Variants in RANBP3 observed in about 807,000 individuals in gnomAD.
RANBP3 encodes RAN binding protein 3.
RANBP3 carries 14 observed loss-of-function variants against 77.3 expected under a neutral mutation model. The observed-to-expected ratio is 0.18, with a 90% CI of 0.12 to 0.28. RANBP3 has a LOEUF of 0.28. RANBP3 is among the 10% of genes least tolerant of loss of function. RANBP3 has a pLI of 1.00. For synonymous variants in RANBP3, 315 were observed against 312.4 expected (o/e 1.01, Z -0.09); for missense variants, 586 against 752.3 (o/e 0.78, Z 2.59).
Position 5,958,020 on chromosome 19 carries a change from AC to A in RANBP3, c.23-48del. The A allele has an allele frequency of 6.6e-7, 1 of 1,522,798 alleles. No homozygotes were observed. The highest frequency in any genetic ancestry group is 9.1e-7 in the Non-Finnish European group (1 of 1,098,148). 94.3% of individuals were successfully genotyped at this position (1,522,798 alleles called of 1,614,324 possible). On this transcript the variant is annotated intron_variant, in intron 1 of 16. Transcript: ENST00000340578. The surrounding 1 kb of genome is among the most constrained non-coding windows in gnomAD (Gnocchi z 4.4). ...TTTTTCCCCCCAACACTATATGCAT[AC>A]AGTAAACAAAGCTACACTTGTTTGT...
intron 1 of RANBP3, chr19:5,962,548 T>C (rs1427335464): frequency 2.6e-6 from 1 of 389,724 alleles, no homozygotes; most frequent in African/African-American, 2.1e-5. Flanking sequence ...CAGGGAGCCA[T>C]GGTCAGGGCT....
chr19:5,940,741 T>A (rs1004770367), intron 5 of RANBP3, among the ~76,000 whole-genome samples: 1 of 152,152 alleles, frequency 6.6e-6, no homozygotes, highest in Admixed American at 6.5e-5. Context: ...GTCTAAACAC[T>A]CATGTATGTC....
intron 3 of RANBP3, among the ~76,000 whole-genome samples, chr19:5,942,713 A>AC (rs1397318817): frequency 6.6e-6 from 1 of 151,760 alleles, no homozygotes; most frequent in Non-Finnish European, 1.5e-5. Context: ...AAAAAAAAAA[A>AC]AAAAAAACAA....
rs555636863 is a variant in RANBP3 at position 5,958,378 on chromosome 19, C to G, written c.23-405G>C. ...AATTTAGCTTTTTAAAGTTTACAGGCCAGAGGGCAAAAAAAAGGGCCACCG... is the reference window on the plus strand; with the variant it reads ...AATTTAGCTTTTTAAAGTTTACAGGGCAGAGGGCAAAAAAAAGGGCCACCG... On this transcript the variant is annotated intron_variant, in intron 1 of 16. Transcript: ENST00000340578. The surrounding 1 kb of genome is among the most constrained non-coding windows in gnomAD (Gnocchi z 4.4). 2.0e-5 allele frequency among the ~76,000 whole-genome samples: 3 copies of G among 151,888 alleles called. No homozygotes were observed. The South Asian group carries it at 6.2e-4, about 31-fold the overall frequency.
At chr19:5,964,319 C>A (rs747722909) in intron 1 of RANBP3, among the ~76,000 whole-genome samples, 2 of 152,202 alleles carry the variant, frequency 1.3e-5, no homozygotes, top group African/African-American at 2.4e-5. Context: ...CCTGCCCCCC[C>A]ACCTCCACCC....
intron 9 of RANBP3, among the ~76,000 whole-genome samples, chr19:5,926,870 C>A (rs1281273562): frequency 1.3e-5 from 2 of 152,138 alleles, no homozygotes; most frequent in Non-Finnish European, 2.9e-5. Flanking sequence ...CGGTGAGTAA[C>A]AGAAAGGAAA....
intron 15 of RANBP3, 43 bp from the exon 16 acceptor site, chr19:5,918,023 AC>A (rs773547535): frequency 2.6e-5 from 40 of 1,526,858 alleles, no homozygotes; most frequent in Non-Finnish European, 3.3e-5. Context: ...CCCCAGTCCT[AC>A]CCCCTCCTGC....
chr19:5,926,474 C>T (rs564716569), intron 9 of RANBP3, among the ~76,000 whole-genome samples: 17 of 152,226 alleles, frequency 1.1e-4, no homozygotes, highest in African/African-American at 4.1e-4. Flanking sequence ...TCGCTTGAAC[C>T]CAGGAGGTGG....
At chr19:5,950,507 G>C (rs2145181113) in intron 3 of RANBP3, 2 of 152,382 alleles carry the variant, frequency 1.3e-5, no homozygotes, top group South Asian at 4.1e-4. Context: ...TTAAAAACCG[G>C]GGACTGTTGT....
chr19:5,976,233 AT>A, intron 1 of RANBP3: 1 of 152,254 alleles, frequency 6.6e-6, no homozygotes, highest in South Asian at 2.1e-4. Context: ...GGAGATAAGG[AT>A]TTTGTTTTGG....
At chr19:5,925,463 C>G in intron 10 of RANBP3, 171 bp downstream of exon 10, 1 of 631,190 alleles carries the variant, frequency 1.6e-6, no homozygotes, top group Non-Finnish European at 2.8e-6. Context: ...GCCCACCACC[C>G]TGGCCCACCC....
chr19:5,932,733 T>C (rs1386715067), intron 6 of RANBP3, 189 bp from the exon 7 acceptor site: 2 of 581,062 alleles, frequency 3.4e-6, no homozygotes, highest in Admixed American at 3.1e-5. Context: ...TATTTTTACA[T>C]GTGATTACAT....
intron 1 of RANBP3, 122 bp downstream of exon 1, chr19:5,977,939 G>C (rs1356630213): frequency 7.7e-7 from 1 of 1,304,384 alleles, no homozygotes; most frequent in Non-Finnish European, 1.0e-6. Flanking sequence ...CCGCCACGGC[G>C]CTAGCCTGGA....
intron 9 of RANBP3, among the ~76,000 whole-genome samples, chr19:5,927,475 G>A (rs574124486): frequency 7.2e-5 from 11 of 152,352 alleles, no homozygotes; most frequent in East Asian, 5.8e-4. Flanking sequence ...CAGATGTCAG[G>A]AGCATTGGGT....
intron 5 of RANBP3, 184 bp from the exon 6 acceptor site, chr19:5,933,663 G>C: frequency 1.8e-6 from 1 of 541,670 alleles, no homozygotes; most frequent in Non-Finnish European, 3.3e-6. Flanking sequence ...GCGCCTGGAG[G>C]AGGGGAGAGA....
chr19:5,957,427 A>G (rs1455248253), intron 2 of RANBP3, among the ~76,000 whole-genome samples: 1 of 152,128 alleles, frequency 6.6e-6, no homozygotes, highest in Admixed American at 6.5e-5. Flanking sequence ...ATGCAAACAA[A>G]TGAACAATTA....
At chr19:5,923,983 C>A in intron 11 of RANBP3, 69 bp from the exon 12 acceptor site, 1 of 1,242,150 alleles carries the variant, frequency 8.1e-7, no homozygotes, top group Non-Finnish European at 1.2e-6. Context: ...CTCTGAGCAC[C>A]TCTCTGCCTG....
intron 1 of RANBP3, among the ~76,000 whole-genome samples, chr19:5,962,215 T>C (rs2058412580): frequency 6.6e-6 from 1 of 152,084 alleles, no homozygotes; most frequent in Non-Finnish European, 1.5e-5. Flanking sequence ...CTCACAAATA[T>C]TTACTAAGCC....
chr19:5,923,579 T>C (rs563694274), intron 12 of RANBP3, among the ~76,000 whole-genome samples: 65 of 152,236 alleles, frequency 4.3e-4, no homozygotes, highest in Non-Finnish European at 7.8e-4. Context: ...CCTCCACGCC[T>C]GCTGCCTGCG....
Sources: allele counts gnomAD v4.1 joint callset (sites outside exome capture counted in the v4.1 genomes callset), GRCh38; gene constraint gnomAD v4.1.1; non-coding constraint Gnocchi (gnomAD v3.1); transcripts MANE v1.5; gene names NCBI Gene and HGNC (gene_info 2026-07-23, HGNC 2026-07-21).